The following ANKRD30BL variants were observed in gnomAD, a reference collection of about 807,000 sequenced individuals.
ANKRD30BL encodes the protein putative ankyrin repeat domain-containing protein 30B-like.
A neutral mutation model predicts 18.4 loss-of-function variants in ANKRD30BL; 20 were observed. The observed-to-expected ratio is 1.09, with a 90% CI of 0.77 to 1.58. The LOEUF (loss-of-function observed/expected upper bound fraction) is 1.58. Among genes scored for constraint, ANKRD30BL ranks in the 40% most tolerant of loss-of-function variants. The pLI is 0.00. For synonymous variants in ANKRD30BL, 72 were observed against 100.9 expected, an observed-to-expected ratio of 0.71 and a Z score of 1.72; for missense variants, 224 against 268.6, an observed-to-expected ratio of 0.83 and a Z score of 1.16.
At position 132,221,897 on chromosome 2, in the gene ANKRD30BL, G is replaced by A. The variant is rs1185742208; in HGVS notation, n.441+35632C>T. 5.3e-4 allele frequency among the ~76,000 whole-genome samples: 65 copies of A among 122,272 alleles called. 4 individuals carry two copies. Among genetic ancestry groups the A allele is most frequent in the African/African-American group, 1.2e-3 (31 of 25,544 alleles). 80.2% of individuals were successfully genotyped at this position (122,272 alleles called of 152,430 possible). A position where few individuals can be genotyped will look rare whatever the true frequency, so the allele number is the denominator to read the frequency against. ...GAGTCAGCCCCCTGCCCAGCCAGCC[G>A]CCCCGTCTGGGAGGGAGGTGGGGGG... On this transcript the variant is annotated intron_variant and non_coding_transcript_variant, in intron 1 of 4. Transcript: ENST00000470729.
intron 1 of ANKRD30BL, among the ~76,000 whole-genome samples, chr2:132,217,660 T>C (rs918948227): frequency 6.6e-6 from 1 of 152,294 alleles, no homozygotes; most frequent in Non-Finnish European, 1.5e-5. Flanking sequence ...ATGTGTACAT[T>C]CATGTCACAG....
chr2:132,212,617 G>A (rs1014484784), intron 1 of ANKRD30BL, among the ~76,000 whole-genome samples: 5 of 151,754 alleles, frequency 3.3e-5, no homozygotes, highest in African/African-American at 1.2e-4. Flanking sequence ...GTGCTTTGAG[G>A]CCTATGGGGG....
intron 1 of ANKRD30BL, among the ~76,000 whole-genome samples, chr2:132,166,994 T>C (rs1688198330): frequency 6.6e-6 from 1 of 151,590 alleles, no homozygotes. Flanking sequence ...TTCATTTTCA[T>C]TTAATTCCAA....
At chr2:132,162,953 T>G (rs1688113667), upstream of ANKRD30BL, among the ~76,000 whole-genome samples, 1 of 152,102 alleles carries the variant, frequency 6.6e-6, no homozygotes, top group Admixed American at 6.5e-5. Context: ...CGGGTCCCGT[T>G]TAGAGGGCTT....
chr2:132,149,589 A>G (rs1236665509), intron 5 of ANKRD30BL, among the ~76,000 whole-genome samples: 1 of 152,198 alleles, frequency 6.6e-6, no homozygotes, highest in African/African-American at 2.4e-5. Context: ...ATTGACATTC[A>G]TTTAGGGTGC....
intron 1 of ANKRD30BL, among the ~76,000 whole-genome samples, chr2:132,184,349 G>A (rs1688527862): frequency 6.6e-6 from 1 of 152,148 alleles, no homozygotes; most frequent in Admixed American, 6.5e-5. Flanking sequence ...AGATTATTTT[G>A]AGTCCTCAAA....
At chr2:132,178,048 A>G (rs1195546410) in intron 1 of ANKRD30BL, among the ~76,000 whole-genome samples, 1 of 152,226 alleles carries the variant, frequency 6.6e-6, no homozygotes, top group Non-Finnish European at 1.5e-5. Flanking sequence ...CTTAAAATAT[A>G]TCAAGGCAAG....
chr2:132,194,840 A>G (rs1320067508), intron 1 of ANKRD30BL, among the ~76,000 whole-genome samples: 1 of 152,238 alleles, frequency 6.6e-6, no homozygotes, highest in Non-Finnish European at 1.5e-5. Context: ...TAGGGAGGAG[A>G]GAATTCTGAG....
At chr2:132,223,836 C>T (rs553083228) in intron 1 of ANKRD30BL, among the ~76,000 whole-genome samples, 54 of 151,856 alleles carry the variant, frequency 3.6e-4, no homozygotes, top group Middle Eastern at 6.8e-3. Flanking sequence ...AAGTCATTTG[C>T]TATGTTTGCC....
intron 1 of ANKRD30BL, among the ~76,000 whole-genome samples, chr2:132,214,517 CAG>C (rs1220492748): frequency 6.6e-6 from 1 of 151,798 alleles, no homozygotes; most frequent in Non-Finnish European, 1.5e-5. Context: ...AAAAAAAAGA[CAG>C]AAGCATTCTG....
chr2:132,243,694 T>C (rs1258130661), intron 1 of ANKRD30BL, among the ~76,000 whole-genome samples: 1 of 151,682 alleles, frequency 6.6e-6, no homozygotes, highest in Non-Finnish European at 1.5e-5. Context: ...CAAGTGGATA[T>C]TTTGACTGCT....
upstream of ANKRD30BL, among the ~76,000 whole-genome samples, chr2:132,165,930 A>G (rs1230114604): frequency 6.6e-6 from 1 of 151,942 alleles, no homozygotes; most frequent in Non-Finnish European, 1.5e-5. Flanking sequence ...ATTTCTCATC[A>G]TTAAGTATGA....
chr2:132,194,574 A>C (rs1467707366), intron 1 of ANKRD30BL, among the ~76,000 whole-genome samples: 1 of 152,118 alleles, frequency 6.6e-6, no homozygotes, highest in African/African-American at 2.4e-5. Context: ...CATTCTTGGA[A>C]CCATGCTGTA....
At chr2:132,221,232 G>A (rs371441342) in intron 1 of ANKRD30BL, among the ~76,000 whole-genome samples, 22,502 of 140,822 alleles carry the variant, frequency 0.16, 620 homozygotes, top group Non-Finnish European at 0.22. Flanking sequence ...GCCCCGTCCG[G>A]GAGGTGAGGG....
chr2:132,176,868 C>T (rs529070216), intron 1 of ANKRD30BL, among the ~76,000 whole-genome samples: 2 of 152,322 alleles, frequency 1.3e-5, no homozygotes, highest in South Asian at 2.1e-4. Context: ...TATCCTTTCA[C>T]TCTTCCTTTC....
intron 1 of ANKRD30BL, among the ~76,000 whole-genome samples, chr2:132,175,589 G>A (rs1362223099): frequency 4.6e-5 from 7 of 152,180 alleles, no homozygotes; most frequent in Admixed American, 4.6e-4. Flanking sequence ...CCTCAGCACA[G>A]ACCCTTTACG....
chr2:132,209,930 C>T (rs79193345), intron 1 of ANKRD30BL, among the ~76,000 whole-genome samples: 2 of 151,592 alleles, frequency 1.3e-5, no homozygotes, highest in South Asian at 2.1e-4. Flanking sequence ...AGAGTTGAAA[C>T]TTTGTTTTGA....
intron 1 of ANKRD30BL, among the ~76,000 whole-genome samples, chr2:132,222,005 C>A (rs1358148806): frequency 1.4e-5 from 2 of 138,136 alleles, no homozygotes; most frequent in Non-Finnish European, 1.6e-5. Flanking sequence ...AAGTGAGGAG[C>A]CCCTCTGCCC....
intron 1 of ANKRD30BL, among the ~76,000 whole-genome samples, chr2:132,222,387 A>C (rs967341041): frequency 6.6e-6 from 1 of 152,088 alleles, no homozygotes; most frequent in African/African-American, 2.4e-5. Context: ...GTTTTGTGGA[A>C]TAGAAAGGCG....
Sources: allele counts gnomAD v4.1 joint callset (sites outside exome capture counted in the v4.1 genomes callset), GRCh38; gene constraint gnomAD v4.1.1; transcripts MANE v1.5; gene names NCBI Gene and HGNC (gene_info 2026-07-23, HGNC 2026-07-21).